Variants in PSMA1 observed in about 807,000 individuals in gnomAD.
PSMA1 encodes proteasome 20S subunit alpha 1.
In PSMA1, 3 loss-of-function variants were observed where a neutral mutation model predicts 38.4. The observed-to-expected ratio is 0.08, with a 90% CI of 0.04 to 0.20. The LOEUF (loss-of-function observed/expected upper bound fraction) is 0.20. Ranked by LOEUF, PSMA1 falls within the 10% of genes least tolerant of loss-of-function variation. PSMA1 has a pLI of 1.00. For missense variants in PSMA1, 227 were observed against 325.3 expected, an observed-to-expected ratio of 0.70 and a Z score of 2.32; for synonymous variants, 101 against 107.1, an observed-to-expected ratio of 0.94 and a Z score of 0.35.
At chr11:14,537,687 C>A (rs1396125117) in intron 2 of PSMA1, among the ~76,000 whole-genome samples, 2 of 147,616 alleles carry the variant, frequency 1.4e-5, no homozygotes, top group Non-Finnish European at 1.5e-5. Flanking sequence ...GACCTAAAGG[C>A]AATTTTAATG....
At chr11:14,637,801 A>G (rs1218767603) in intron 1 of PSMA1, among the ~76,000 whole-genome samples, 2 of 152,242 alleles carry the variant, frequency 1.3e-5, no homozygotes, top group East Asian at 1.9e-4. Flanking sequence ...TTGAAGAAAG[A>G]GAGCTATTTA....
At chr11:14,619,115 G>A (rs1052853726) in intron 1 of PSMA1, among the ~76,000 whole-genome samples, 1 of 152,032 alleles carries the variant, frequency 6.6e-6, no homozygotes, top group Non-Finnish European at 1.5e-5. Flanking sequence ...AAGCCAGGGG[G>A]AAAGACTTAA....
intron 2 of PSMA1, among the ~76,000 whole-genome samples, chr11:14,592,226 A>C (rs1052482556): frequency 5.9e-5 from 9 of 152,100 alleles, no homozygotes; most frequent in Non-Finnish European, 8.8e-5. Flanking sequence ...CCGCGGCTTC[A>C]TTCTTGAAGT....
upstream of PSMA1, among the ~76,000 whole-genome samples, chr11:14,523,215 T>A (rs1851548321): frequency 6.6e-6 from 1 of 152,210 alleles, no homozygotes; most frequent in African/African-American, 2.4e-5. Flanking sequence ...GATTTTCAGC[T>A]CCTCTTTGTG....
intron 8 of PSMA1, among the ~76,000 whole-genome samples, chr11:14,510,366 T>C (rs750607392): frequency 1.1e-4 from 17 of 152,208 alleles, no homozygotes; most frequent in Non-Finnish European, 1.9e-4. Context: ...AACCACCTAT[T>C]TTAAATTACA....
rs34292683 is a variant in PSMA1 at position 14,616,231 on chromosome 11, GTT to G, written c.-165-5082_-165-5081del. Among the ~76,000 whole-genome samples the G allele has an allele frequency of 1.2e-4, 15 of 126,658 alleles. 2 individuals carry two copies. The highest frequency in any genetic ancestry group is 8.7e-5 in the African/African-American group (3 of 34,678). 83.1% of individuals were successfully genotyped at this position (126,658 alleles called of 152,430 possible). ...AGGTGAGAGTTGGAGGATCCCAACAGTTTTTTTTTTTTTTTTTTTTGAGACAG... is the reference window on the plus strand; with the variant it reads ...AGGTGAGAGTTGGAGGATCCCAACAGTTTTTTTTTTTTTTTTTTGAGACAG... On this transcript the variant is annotated intron_variant, in intron 1 of 10. Transcript: ENST00000418988.
At chr11:14,564,059 C>T (rs367772873) in intron 2 of PSMA1, among the ~76,000 whole-genome samples, 2 of 152,098 alleles carry the variant, frequency 1.3e-5, no homozygotes, top group East Asian at 1.9e-4. Context: ...ATATCCTTTA[C>T]CCAATTACCC....
chr11:14,578,927 T>A (rs1565049330), intron 2 of PSMA1, among the ~76,000 whole-genome samples: 1 of 152,210 alleles, frequency 6.6e-6, no homozygotes, highest in East Asian at 1.9e-4. Flanking sequence ...TTTTTGCCAG[T>A]TGTCTGCTGG....
intron 1 of PSMA1, among the ~76,000 whole-genome samples, chr11:14,622,123 G>T (rs1387008300): frequency 6.6e-6 from 1 of 152,184 alleles, no homozygotes. Context: ...CAGACTTTCA[G>T]GAGTTCGGAG....
Position 14,517,690 on chromosome 11 carries a change from T to C in PSMA1, c.206A>G (p.His69Arg). 6.2e-7 allele frequency: 1 copy of C among 1,610,082 alleles called. No individual in the cohort carries two copies. Among genetic ancestry groups the C allele is most frequent in the Non-Finnish European group, 8.5e-7 (1 of 1,179,322 alleles). Residue 69 changes from histidine (H) to arginine (R), a missense_variant, in exon 4 of 10, where the codon CAT (histidine) becomes CGT (arginine). Transcript: ENST00000396394. ...HQKKILHVDN[H>R]IGISIAGLTA... ...AAGCCCCGCAATTGAGATACCAATA[T>C]GGTTGTCAACATGGAGAATTTTTTT...
intron 7 of PSMA1, among the ~76,000 whole-genome samples, chr11:14,512,378 A>G (rs1306011337): frequency 2.1e-5 from 3 of 145,708 alleles, no homozygotes; most frequent in African/African-American, 7.5e-5. Context: ...CCGTCTCAGG[A>G]AAAAAAAAAA....
chr11:14,557,389 G>A (rs922464665), intron 2 of PSMA1, among the ~76,000 whole-genome samples: 1 of 151,820 alleles, frequency 6.6e-6, no homozygotes, highest in African/African-American at 2.4e-5. Context: ...AGGTGCACAA[G>A]CGCACCACCA....
chr11:14,622,083 C>G (rs1220906909), intron 1 of PSMA1, among the ~76,000 whole-genome samples: 3 of 152,124 alleles, frequency 2.0e-5, no homozygotes, highest in African/African-American at 7.2e-5. Context: ...ATGCTCTAGA[C>G]AGAAAAGTAT....
At chr11:14,629,043 G>A (rs1398547424) in intron 1 of PSMA1, among the ~76,000 whole-genome samples, 1 of 151,404 alleles carries the variant, frequency 6.6e-6, no homozygotes, top group African/African-American at 2.4e-5. Context: ...ATTTGTTTGA[G>A]TTCATTGTAG....
intron 2 of PSMA1, among the ~76,000 whole-genome samples, chr11:14,600,410 GT>G (rs1415189747): frequency 6.6e-6 from 1 of 152,194 alleles, no homozygotes; most frequent in African/African-American, 2.4e-5. Flanking sequence ...CTCAGTTCGA[GT>G]TTCCCACCGC....
intron 2 of PSMA1, among the ~76,000 whole-genome samples, chr11:14,538,107 A>G (rs1269328166): frequency 1.3e-5 from 2 of 152,166 alleles, no homozygotes; most frequent in Admixed American, 1.3e-4. Context: ...TTTTTCAGGC[A>G]ATCTTTCAAT....
intron 2 of PSMA1, among the ~76,000 whole-genome samples, chr11:14,598,989 A>G (rs750751240): frequency 6.6e-6 from 1 of 151,928 alleles, no homozygotes; most frequent in East Asian, 1.9e-4. Context: ...TTTCTCCTTC[A>G]CTTATGAAGC....
intron 2 of PSMA1, among the ~76,000 whole-genome samples, chr11:14,587,608 T>C (rs1165705156): frequency 1.3e-5 from 2 of 152,090 alleles, no homozygotes; most frequent in African/African-American, 4.8e-5. Context: ...TCTTTTTTTT[T>C]CCTGGCTAGA....
At chr11:14,552,389 G>T (rs1360989153) in intron 2 of PSMA1, among the ~76,000 whole-genome samples, 1 of 152,194 alleles carries the variant, frequency 6.6e-6, no homozygotes. Flanking sequence ...GGGATGTGGA[G>T]TTCAAAATAA....
Sources: gnomAD v4.1 joint callset for allele counts (sites outside exome capture counted in the v4.1 genomes callset) on GRCh38, gnomAD v4.1.1 for gene constraint, MANE v1.5 for transcripts, NCBI Gene and HGNC (gene_info 2026-07-23, HGNC 2026-07-21) for gene names.